Variants in CCDC12 observed in about 807,000 individuals in gnomAD.
CCDC12 encodes the protein coiled-coil domain-containing protein 12.
A neutral mutation model predicts 25.7 loss-of-function variants in CCDC12; 28 were observed. The ratio of observed to expected loss-of-function variants is 1.09; its 90% CI spans 0.81 to 1.50. The LOEUF (loss-of-function observed/expected upper bound fraction) is 1.50, where lower values mean the gene tolerates loss of function less well. CCDC12 is among the 40% of genes most tolerant of loss of function. The probability of loss-of-function intolerance (pLI) is 0.00; values close to 1 mark genes in which losing one functional copy is unlikely to be tolerated. For missense variants in CCDC12, 198 were observed against 210.0 expected (o/e 0.94, Z 0.35); for synonymous variants, 75 against 87.7 (o/e 0.86, Z 0.81).
At chr3:46,955,681 T>TA (rs1331812020) in intron 1 of CCDC12, among the ~76,000 whole-genome samples, 1 of 152,122 alleles carries the variant, frequency 6.6e-6, no homozygotes, top group Non-Finnish European at 1.5e-5. Flanking sequence ...GGAGGACAGG[T>TA]AGAGAGGTGG....
upstream of CCDC12, among the ~76,000 whole-genome samples, chr3:46,977,675 G>GGACTCAAAGATGATCCCCTCTC (rs1212805771): frequency 6.6e-6 from 1 of 152,088 alleles, no homozygotes; most frequent in African/African-American, 2.4e-5. Flanking sequence ...GTTTCCCTCT[G>GGACTCAAAGATGATCCCCTCTC]GACTCAAAGA....
At chr3:46,926,367 C>T (rs1040586899) in intron 2 of CCDC12, among the ~76,000 whole-genome samples, 9 of 152,350 alleles carry the variant, frequency 5.9e-5, no homozygotes, top group African/African-American at 2.2e-4. Context: ...GGGAAGGCCA[C>T]AGTCCACCAG....
In CCDC12 at chr3:46,964,015, G is replaced by A. The variant is rs574181133; in HGVS notation, c.96+12622C>T. 3.6e-4 allele frequency among the ~76,000 whole-genome samples: 54 copies of A among 151,708 alleles called. No individual in the cohort carries two copies. In the South Asian group the frequency reaches 0.01, roughly 28 times the overall value. ...CCATCCCATCTAGGAAGTGAGGAGC[G>A]TCTCTGCCCGGCCACCCATCGTCTG... On this transcript the variant is annotated intron_variant, in intron 1 of 6. Transcript: ENST00000683445.
intron 5 of CCDC12, chr3:46,922,810 C>G (rs1329168162): frequency 1.0e-5 from 2 of 195,066 alleles, no homozygotes; most frequent in African/African-American, 4.7e-5. Flanking sequence ...GACCAAGAAT[C>G]AGGCGAGAGG....
upstream of CCDC12, among the ~76,000 whole-genome samples, chr3:46,981,518 T>G (rs1198342208): frequency 6.6e-6 from 1 of 152,120 alleles, no homozygotes; most frequent in Non-Finnish European, 1.5e-5. Context: ...GAGGTAGCCA[T>G]TATAGCTGGT....
chr3:46,925,575 T>A (rs2032918223), intron 2 of CCDC12, 40 bp from the exon 3 acceptor site: 2 of 1,448,580 alleles, frequency 1.4e-6, no homozygotes, highest in Middle Eastern at 3.6e-4. Flanking sequence ...GAAGTCAGTG[T>A]GTGACATGGT....
chr3:46,979,645 G>T, upstream of CCDC12: 1 of 311,048 alleles, frequency 3.2e-6, no homozygotes, highest in Non-Finnish European at 5.9e-6. Context: ...GCGAAGTGCA[G>T]GAAGCTGGGC....
intron 1 of CCDC12, among the ~76,000 whole-genome samples, chr3:46,947,165 G>A (rs2033939668): frequency 6.6e-6 from 1 of 152,208 alleles, no homozygotes; most frequent in South Asian, 2.1e-4. Flanking sequence ...ATAAGACCTC[G>A]AAATCCTAGC....
chr3:46,962,434 CAAAAAA>C (rs33969115), intron 1 of CCDC12, among the ~76,000 whole-genome samples: 2 of 63,182 alleles, frequency 3.2e-5, no homozygotes, highest in African/African-American at 6.6e-5. Flanking sequence ...AACTCTATCT[CAAAAAA>C]AAAAAAAAAA....
Position 46,959,198 on chromosome 3 carries a change from C to G in CCDC12, c.96+17439G>C, listed in dbSNP as rs1179499194. On this transcript the variant is annotated intron_variant, in intron 1 of 6. Coordinates refer to ENST00000683445, the MANE Select transcript of CCDC12 (RefSeq NM_001277074.2). Reference sequence around the variant, plus strand: ...TCTTATCCCCACCTACACACACTTCCTTTAGCTACAAAGCGTTTTTAAAAA... The same window carrying G: ...TCTTATCCCCACCTACACACACTTCGTTTAGCTACAAAGCGTTTTTAAAAA... 7.5e-5 allele frequency among the ~76,000 whole-genome samples: 3 copies of G among 39,968 alleles called. No individual in the cohort carries two copies. The East Asian group carries it at 3.2e-3, about 42-fold the overall frequency. 26.2% of individuals were successfully genotyped at this position (39,968 alleles called of 152,430 possible).
At position 46,957,967 on chromosome 3, in the gene CCDC12, AC is replaced by A. The variant is rs1310218738; in HGVS notation, c.97-16903del. Among the ~76,000 whole-genome samples, 759 of 110,524 alleles carry A rather than the reference AC, an allele frequency of 6.9e-3. 7 individuals carry two copies. The highest frequency in any genetic ancestry group is 0.023 in the African/African-American group (728 of 31,414). 72.5% of individuals were successfully genotyped at this position (110,524 alleles called of 152,430 possible). A position where few individuals can be genotyped will look rare whatever the true frequency, so the allele number is the denominator to read the frequency against. ...CAAAAATAAAAAAATAAATACACAC[AC>A]ACACACACACACACACACACACACA... is the stretch of plus-strand genomic sequence containing the variant. On this transcript the variant is annotated intron_variant, in intron 1 of 6. Coordinates refer to ENST00000683445, the MANE Select transcript of CCDC12 (RefSeq NM_001277074.2).
chr3:46,962,286 T>C (rs2034486222), intron 1 of CCDC12, among the ~76,000 whole-genome samples: 1 of 151,618 alleles, frequency 6.6e-6, no homozygotes, highest in Admixed American at 6.6e-5. Context: ...ACACAAAAAT[T>C]AGCTGGGCAT....
intron 1 of CCDC12, among the ~76,000 whole-genome samples, chr3:46,973,900 C>A (rs1304869824): frequency 1.3e-5 from 2 of 152,122 alleles, no homozygotes; most frequent in South Asian, 2.1e-4. Flanking sequence ...GCGTGAGCCA[C>A]CGCACCAGGC....
intron 2 of CCDC12, among the ~76,000 whole-genome samples, chr3:46,940,107 T>C (rs1012814316): frequency 1.3e-5 from 2 of 152,156 alleles, no homozygotes; most frequent in African/African-American, 4.8e-5. Flanking sequence ...AGGGAGGACA[T>C]GAGACCTCTG....
At chr3:46,976,365 C>G in intron 1 of CCDC12, 1 of 1,370,364 alleles carries the variant, frequency 7.3e-7, no homozygotes, top group Non-Finnish European at 9.4e-7. Context: ...GAGCAACACC[C>G]GGGAAGCAGG....
chr3:46,925,229 T>G (rs2032894822), intron 3 of CCDC12: 1 of 690,940 alleles, frequency 1.4e-6, no homozygotes, highest in South Asian at 1.5e-5. Flanking sequence ...TCTCAGGGTG[T>G]GAGCAGGACT....
At chr3:46,923,012 C>T in intron 5 of CCDC12, 1 of 284,718 alleles carries the variant, frequency 3.5e-6, no homozygotes, top group Non-Finnish European at 6.5e-6. Context: ...CCCTTCCCTC[C>T]ACTCCTGGCC....
chr3:46,941,037 T>G lies in CCDC12; in HGVS notation c.125A>C (p.Lys42Thr). ...TTCTTCCTCCTCTTCTCTGAGATGC[T>G]TGGTCTTTGGCTCCCCATCTTCCTT... is the stretch of plus-strand genomic sequence containing the variant. The part of the protein sequence containing the change: ...KDKEDGEPKT[K>T]HLREEEEEGE... The change falls in exon 2 of 7, where the codon AAG becomes ACG. Residue 42 changes from lysine (K) to threonine (T), a missense_variant. Transcript: ENST00000683445. 6.2e-7 allele frequency: 1 copy of G among 1,614,152 alleles called. No individual in the cohort carries two copies. Among genetic ancestry groups the G allele is most frequent in the East Asian group, 2.2e-5 (1 of 44,856 alleles).
intron 1 of CCDC12, among the ~76,000 whole-genome samples, chr3:46,952,253 AG>A (rs1198803274): frequency 6.6e-6 from 1 of 152,188 alleles, no homozygotes; most frequent in Non-Finnish European, 1.5e-5. Flanking sequence ...CCCATGTTAC[AG>A]GAACTTCTGT....
Sources: allele counts gnomAD v4.1 joint callset (sites outside exome capture counted in the v4.1 genomes callset), GRCh38; gene constraint gnomAD v4.1.1; transcripts MANE v1.5; gene names NCBI Gene and HGNC (gene_info 2026-07-23, HGNC 2026-07-21).